The following TLK2 variants were observed in gnomAD, a reference collection of about 807,000 sequenced individuals.
TLK2 encodes serine/threonine-protein kinase tousled-like 2.
Under a neutral mutation model 117.3 loss-of-function variants are expected in TLK2, and 6 were observed. That is an observed-to-expected ratio of 0.05 (90% CI 0.03 to 0.10). The LOEUF (loss-of-function observed/expected upper bound fraction) is 0.10. Ranked by LOEUF, TLK2 falls within the 10% of genes least tolerant of loss-of-function variation. TLK2 has a pLI of 1.00. For synonymous variants in TLK2, 257 were observed against 316.7 expected, an observed-to-expected ratio of 0.81 and a Z score of 2.00; for missense variants, 299 against 901.2, an observed-to-expected ratio of 0.33 and a Z score of 8.56.
At chr17:62,585,870 G>A in intron 15 of TLK2, 1 of 286,218 alleles carries the variant, frequency 3.5e-6, no homozygotes, top group Non-Finnish European at 6.6e-6. Context: ...GTTGGGAAAT[G>A]ATTCTGAAGG....
At chr17:62,554,562 A>G (rs934963206) in intron 9 of TLK2, among the ~76,000 whole-genome samples, 24 of 152,102 alleles carry the variant, frequency 1.6e-4, no homozygotes, top group African/African-American at 5.8e-4. Context: ...AGCCTGGGCG[A>G]CAGAGTGATA....
At position 62,520,436 on chromosome 17, in the gene TLK2, GGAGGTCGAGACAGGCAGATCACCT is replaced by G. The variant is rs1235838731; in HGVS notation, c.82-330_82-307del. On this transcript the variant is annotated intron_variant, in intron 2 of 21. Transcript: ENST00000346027. ...TCACAACTGTAATCCCAGCACTTTG[GGAGGTCGAGACAGGCAGATCACCT>G]GAGGTCAGGAGATCGAGACCAGCCT... 2.6e-5 allele frequency among the ~76,000 whole-genome samples: 4 copies of G among 152,160 alleles called. 1 individual carries two copies. The highest frequency in any genetic ancestry group is 9.6e-5 in the African/African-American group (4 of 41,518).
intron 6 of TLK2, among the ~76,000 whole-genome samples, chr17:62,531,696 C>T (rs779399558): frequency 6.6e-6 from 1 of 152,074 alleles, no homozygotes; most frequent in Admixed American, 6.6e-5. Context: ...TTCCGAGTAC[C>T]TAGAGATTTT....
At chr17:62,496,849 C>T (rs766880513) in intron 2 of TLK2, among the ~76,000 whole-genome samples, 15 of 149,410 alleles carry the variant, frequency 1.0e-4, no homozygotes, top group Non-Finnish European at 1.8e-4. Context: ...CCCAGCTACT[C>T]GGGAGGCTGA....
chr17:62,600,914 C>A, intron 18 of TLK2, 94 bp downstream of exon 18: 1 of 1,268,104 alleles, frequency 7.9e-7, no homozygotes, highest in Non-Finnish European at 1.1e-6. Context: ...TCACAGCAGC[C>A]AAGAAAGGCT....
chr17:62,576,414 T>C (rs1420537086), intron 12 of TLK2, among the ~76,000 whole-genome samples: 1 of 152,216 alleles, frequency 6.6e-6, no homozygotes, highest in Non-Finnish European at 1.5e-5. Context: ...AGTTTTTATC[T>C]TAGTAATATA....
At chr17:62,503,611 G>A (rs2074404418) in intron 2 of TLK2, among the ~76,000 whole-genome samples, 1 of 151,614 alleles carries the variant, frequency 6.6e-6, no homozygotes, top group Admixed American at 6.6e-5. Context: ...GAGAGATGGG[G>A]TTTTGCCATG....
intron 9 of TLK2, among the ~76,000 whole-genome samples, chr17:62,555,498 T>G (rs1418039745): frequency 6.6e-6 from 1 of 150,604 alleles, no homozygotes; most frequent in Non-Finnish European, 1.5e-5. Flanking sequence ...TTTTTTTTTT[T>G]TTGAGACAGA....
intron 2 of TLK2, among the ~76,000 whole-genome samples, chr17:62,498,363 T>G (rs1275050481): frequency 6.6e-6 from 1 of 151,130 alleles, no homozygotes; most frequent in East Asian, 1.9e-4. Flanking sequence ...AACTTAAACA[T>G]AGTTGATAGT....
intron 15 of TLK2, 130 bp downstream of exon 15, chr17:62,580,322 T>G (rs902118876): frequency 3.3e-6 from 2 of 598,112 alleles, no homozygotes; most frequent in Non-Finnish European, 5.4e-6. Flanking sequence ...TTTAAAAACC[T>G]GTATCTTTGG....
At chr17:62,608,243 A>G in intron 21 of TLK2, 95 bp downstream of exon 21, 1 of 897,244 alleles carries the variant, frequency 1.1e-6, no homozygotes, top group African/African-American at 1.7e-5. Flanking sequence ...TCAGTGTGAA[A>G]TTCAGCAGTT....
At chr17:62,502,465 C>T (rs1168120338) in intron 2 of TLK2, among the ~76,000 whole-genome samples, 1 of 152,108 alleles carries the variant, frequency 6.6e-6, no homozygotes, top group Non-Finnish European at 1.5e-5. Flanking sequence ...TGAATGCTTT[C>T]TATATAATAC....
At chr17:62,512,877 A>ATTT (rs1156411943) in intron 2 of TLK2, among the ~76,000 whole-genome samples, 1 of 145,690 alleles carries the variant, frequency 6.9e-6, no homozygotes, top group African/African-American at 2.5e-5. Flanking sequence ...TATTATTATT[A>ATTT]TTATTATTAT....
At chr17:62,586,873 G>A (rs2081649423) in intron 16 of TLK2, among the ~76,000 whole-genome samples, 1 of 151,872 alleles carries the variant, frequency 6.6e-6, no homozygotes, top group Non-Finnish European at 1.5e-5. Flanking sequence ...AGACCCTAGG[G>A]AGCTGCTGGT....
chr17:62,578,339 T>A (rs2080967768), intron 13 of TLK2, 138 bp from the exon 14 acceptor site: 1 of 690,756 alleles, frequency 1.4e-6, no homozygotes, highest in Middle Eastern at 4.0e-4. Context: ...ATGATTAAAA[T>A]TCTTAAAGAA....
intron 2 of TLK2, among the ~76,000 whole-genome samples, chr17:62,519,458 T>C (rs946838416): frequency 2.0e-5 from 3 of 152,168 alleles, no homozygotes; most frequent in Non-Finnish European, 4.4e-5. Context: ...TTCCTGCTTT[T>C]TCAGGATTGG....
intron 2 of TLK2, among the ~76,000 whole-genome samples, chr17:62,514,124 T>G (rs2145335726): frequency 6.6e-6 from 1 of 152,230 alleles, no homozygotes; most frequent in African/African-American, 2.4e-5. Flanking sequence ...TGTTATTACT[T>G]TACAACACAG....
chr17:62,543,819 G>A lies in TLK2; in HGVS notation c.531+7482G>A, dbSNP rs2077712610. Among the ~76,000 whole-genome samples, 4 of 152,200 alleles carry A rather than the reference G, an allele frequency of 2.6e-5. 1 individual carries two copies. In the South Asian group the frequency reaches 8.3e-4, roughly 32 times the overall value. On this transcript the variant is annotated intron_variant, in intron 7 of 21. Coordinates refer to ENST00000346027, the MANE Select transcript of TLK2 (RefSeq NM_006852.6). Reference sequence around the variant, plus strand: ...TGACGGTGTCCTGTGAAGTACAGAAGTTTTTAATTTTGAGAAAAGTTCAAT... The same window carrying A: ...TGACGGTGTCCTGTGAAGTACAGAAATTTTTAATTTTGAGAAAAGTTCAAT...
At chr17:62,542,698 G>C (rs557069348) in intron 7 of TLK2, among the ~76,000 whole-genome samples, 1 of 152,284 alleles carries the variant, frequency 6.6e-6, no homozygotes, top group East Asian at 1.9e-4. Context: ...CATTGAATTA[G>C]TTTAGATTGA....
Sources: allele counts gnomAD v4.1 joint callset (sites outside exome capture counted in the v4.1 genomes callset), GRCh38; gene constraint gnomAD v4.1.1; transcripts MANE v1.5; gene names NCBI Gene and HGNC (gene_info 2026-07-23, HGNC 2026-07-21).